Variants in RIC1 observed in about 807,000 individuals in gnomAD.
RIC1 encodes the protein guanine nucleotide exchange factor subunit RIC1.
Under a neutral mutation model 169.0 loss-of-function variants are expected in RIC1, and 88 were observed. The observed-to-expected ratio is 0.52, with a 90% CI of 0.44 to 0.62. RIC1 has a LOEUF of 0.62. Among genes scored for constraint, RIC1 ranks in the 20% least tolerant of loss-of-function variants. The pLI is 0.00. For missense variants in RIC1, 1,877 were observed against 1,725.5 expected, an observed-to-expected ratio of 1.09 and a Z score of -1.56; for synonymous variants, 790 against 601.5, an observed-to-expected ratio of 1.31 and a Z score of -4.59.
chr9:5,770,829 A>G (rs1224237806), intron 23 of RIC1, among the ~76,000 whole-genome samples: 3 of 152,228 alleles, frequency 2.0e-5, no homozygotes, highest in African/African-American at 7.2e-5. Context: ...TTTACAAAAA[A>G]ATGTACACCA....
intron 1 of RIC1, among the ~76,000 whole-genome samples, chr9:5,656,175 T>C (rs1054663850): frequency 4.6e-5 from 7 of 152,138 alleles, no homozygotes; most frequent in Admixed American, 3.3e-4. Flanking sequence ...TGGCCTGTAG[T>C]TTTCTTTTCA....
At chr9:5,639,644 GT>G (rs1375338337) in intron 1 of RIC1, among the ~76,000 whole-genome samples, 4 of 152,186 alleles carry the variant, frequency 2.6e-5, no homozygotes, top group African/African-American at 9.7e-5. Flanking sequence ...TCTTTGTTGA[GT>G]TTCTGTCTGG....
At chr9:5,679,786 A>G (rs960893860) in intron 2 of RIC1, among the ~76,000 whole-genome samples, 4 of 152,226 alleles carry the variant, frequency 2.6e-5, no homozygotes, top group Non-Finnish European at 5.9e-5. Context: ...TCATCTGCAG[A>G]CAGGGACAAT....
At chr9:5,769,693 A>G (rs999937307) in intron 22 of RIC1, 3 of 253,234 alleles carry the variant, frequency 1.2e-5, no homozygotes, top group African/African-American at 6.8e-5. Flanking sequence ...ATAAAAATTT[A>G]AAGTTTTTTA....
intron 11 of RIC1, 116 bp from the exon 12 acceptor site, chr9:5,747,186 A>T (rs952493171): frequency 3.1e-5 from 22 of 718,576 alleles, no homozygotes; most frequent in Middle Eastern, 5.2e-4. Context: ...ACATCGAGAT[A>T]CATGTACATT....
chr9:5,651,040 C>T (rs989224032), intron 1 of RIC1, among the ~76,000 whole-genome samples: 1 of 152,156 alleles, frequency 6.6e-6, no homozygotes, highest in Non-Finnish European at 1.5e-5. Context: ...GCAGGTGGTA[C>T]AGGACCCAGT....
At chr9:5,765,340 C>G in intron 19 of RIC1, 74 bp from the exon 20 acceptor site, 1 of 1,468,056 alleles carries the variant, frequency 6.8e-7, no homozygotes, top group Non-Finnish European at 9.2e-7. Flanking sequence ...GTTTAGAAAA[C>G]GAGATAAAGA....
intron 2 of RIC1, among the ~76,000 whole-genome samples, chr9:5,686,537 A>G (rs1821238164): frequency 6.6e-6 from 1 of 151,006 alleles, no homozygotes; most frequent in Non-Finnish European, 1.5e-5. Flanking sequence ...ACAAAAAACC[A>G]AACACCGCAT....
chr9:5,720,512 A>T, intron 5 of RIC1, 102 bp from the exon 6 acceptor site: 2 of 1,266,122 alleles, frequency 1.6e-6, no homozygotes, highest in South Asian at 3.0e-5. Context: ...TTGTTAGGTC[A>T]TTATTTTTAC....
intron 17 of RIC1, among the ~76,000 whole-genome samples, chr9:5,761,577 C>A (rs1475403391): frequency 6.6e-6 from 1 of 152,168 alleles, no homozygotes; most frequent in Non-Finnish European, 1.5e-5. Flanking sequence ...TCCCTAATTT[C>A]TCTTCCTGTC....
At position 5,674,807 on chromosome 9, in the gene RIC1, C is replaced by T. The variant is rs886877008; in HGVS notation, c.253-15152C>T. Among the ~76,000 whole-genome samples the T allele has an allele frequency of 3.3e-5, 5 of 152,156 alleles. No individual in the cohort carries two copies. In the East Asian group the frequency reaches 7.7e-4, roughly 23 times the overall value. ...TAAAGATTGAAGCCCTCAAATTCAT[C>T]TTTGGAGAAAGGCACAGATCACAGA... On this transcript the variant is annotated intron_variant, in intron 2 of 25. Transcript: ENST00000414202.
intron 3 of RIC1, among the ~76,000 whole-genome samples, chr9:5,697,476 T>G (rs1821971915): frequency 2.6e-5 from 4 of 152,228 alleles, no homozygotes; most frequent in Admixed American, 6.5e-5. Flanking sequence ...AAAATGACCA[T>G]CTGTGTGTCC....
intron 1 of RIC1, among the ~76,000 whole-genome samples, chr9:5,656,085 T>A (rs1034453879): frequency 3.3e-5 from 5 of 151,970 alleles, no homozygotes; most frequent in African/African-American, 4.8e-5. Flanking sequence ...TTAGCCAGGA[T>A]GGTCTCCATC....
chr9:5,716,862 G>T (rs868061893), intron 4 of RIC1, among the ~76,000 whole-genome samples: 2 of 152,072 alleles, frequency 1.3e-5, no homozygotes, highest in African/African-American at 4.8e-5. Flanking sequence ...TTTAGAGGTG[G>T]TAGTCTCACT....
intron 6 of RIC1, among the ~76,000 whole-genome samples, chr9:5,727,943 A>C (rs1322509798): frequency 6.6e-6 from 1 of 152,202 alleles, no homozygotes; most frequent in Admixed American, 6.5e-5. Context: ...TTGAGGTGTC[A>C]GTTGGCCCCT....
intron 16 of RIC1, among the ~76,000 whole-genome samples, 165 bp downstream of exon 16, chr9:5,756,537 C>G (rs1162400891): frequency 2.0e-5 from 3 of 150,742 alleles, no homozygotes; most frequent in African/African-American, 7.4e-5. Context: ...GATATAATAG[C>G]TAAAAAAAAA....
chr9:5,698,349 C>A (rs567021039), intron 3 of RIC1, among the ~76,000 whole-genome samples: 1 of 152,220 alleles, frequency 6.6e-6, no homozygotes, highest in African/African-American at 2.4e-5. Flanking sequence ...GAAATTACTC[C>A]CCGCTCAGTG....
intron 3 of RIC1, among the ~76,000 whole-genome samples, chr9:5,695,388 C>T (rs1821828570): frequency 6.6e-6 from 1 of 151,978 alleles, no homozygotes; most frequent in Non-Finnish European, 1.5e-5. Flanking sequence ...TTTTTTCTTC[C>T]AGTAAATGGC....
intron 5 of RIC1, 44 bp downstream of exon 5, chr9:5,720,368 T>C (rs752723850): frequency 6.4e-7 from 1 of 1,562,446 alleles, no homozygotes; most frequent in Admixed American, 1.8e-5. Context: ...TGTTTAATGT[T>C]TGATGTCTAG....
Sources: allele counts gnomAD v4.1 joint callset (sites outside exome capture counted in the v4.1 genomes callset), GRCh38; gene constraint gnomAD v4.1.1; transcripts MANE v1.5; gene names NCBI Gene and HGNC (gene_info 2026-07-23, HGNC 2026-07-21).